USH2A: variants seen among roughly 807,000 people sequenced by gnomAD.
USH2A encodes usherin.
USH2A carries 443 observed loss-of-function variants against 538.9 expected under a neutral mutation model. The ratio of observed to expected loss-of-function variants is 0.82; its 90% CI spans 0.76 to 0.89. The LOEUF (loss-of-function observed/expected upper bound fraction) is 0.89, where lower values mean the gene tolerates loss of function less well. USH2A is among the 40% of genes least tolerant of loss of function. USH2A has a pLI of 0.00. For missense variants in USH2A, 6,633 were observed against 6,324.8 expected, an observed-to-expected ratio of 1.05 and a Z score of -1.65; for synonymous variants, 2,413 against 2,273.5, an observed-to-expected ratio of 1.06 and a Z score of -1.75.
chr1:215,668,949 C>T (rs1002533936), intron 64 of USH2A, among the ~76,000 whole-genome samples: 1 of 152,168 alleles, frequency 6.6e-6, no homozygotes, highest in East Asian at 1.9e-4. Flanking sequence ...GCAGGAGAAT[C>T]GTTTGAACCT....
At chr1:215,759,584 G>A in intron 57 of USH2A, 76 bp downstream of exon 57, 2 of 1,557,796 alleles carry the variant, frequency 1.3e-6, no homozygotes, top group Admixed American at 3.4e-5. Context: ...ACTTTCAGTG[G>A]GACATGCATT....
intron 32 of USH2A, among the ~76,000 whole-genome samples, chr1:216,005,060 G>A (rs1266327540): frequency 4.6e-5 from 7 of 152,130 alleles, no homozygotes; most frequent in East Asian, 1.9e-4. Flanking sequence ...CTCTTAGAAC[G>A]AAATCTAATA....
chr1:215,661,171 T>C (rs751706148), intron 64 of USH2A, among the ~76,000 whole-genome samples: 5 of 152,220 alleles, frequency 3.3e-5, no homozygotes, highest in Non-Finnish European at 5.9e-5. Flanking sequence ...AGCATCAATC[T>C]GAGTGTGGGG....
chr1:216,227,967 T>A (rs2035593888), intron 14 of USH2A, among the ~76,000 whole-genome samples: 1 of 152,082 alleles, frequency 6.6e-6, no homozygotes, highest in African/African-American at 2.4e-5. Context: ...AATCAGGTAC[T>A]CAAAAGGGTC....
At chr1:215,939,106 A>G (rs940773816) in intron 37 of USH2A, among the ~76,000 whole-genome samples, 3 of 152,234 alleles carry the variant, frequency 2.0e-5, no homozygotes, top group African/African-American at 7.2e-5. Context: ...AATTTGAAAA[A>G]TAAGTAATTA....
At chr1:216,106,953 A>G (rs2032750355) in intron 21 of USH2A, among the ~76,000 whole-genome samples, 1 of 151,874 alleles carries the variant, frequency 6.6e-6, no homozygotes, top group South Asian at 2.1e-4. Context: ...CTGATTTCTA[A>G]TTTAATTCTA....
intron 3 of USH2A, among the ~76,000 whole-genome samples, chr1:216,367,286 G>C (rs996251187): frequency 6.6e-6 from 1 of 152,130 alleles, no homozygotes; most frequent in African/African-American, 2.4e-5. Flanking sequence ...AAAGAAAATT[G>C]TCTCTGTAGA....
At chr1:215,938,906 G>A (rs1436773) in intron 37 of USH2A, among the ~76,000 whole-genome samples, 6,159 of 152,088 alleles carry the variant, frequency 0.04, 137 homozygotes, top group Middle Eastern at 0.068. Context: ...TGAATTCTAC[G>A]CCAGGCCTAC....
intron 15 of USH2A, among the ~76,000 whole-genome samples, chr1:216,208,732 C>G (rs2035173807): frequency 6.6e-6 from 1 of 152,100 alleles, no homozygotes; most frequent in African/African-American, 2.4e-5. Context: ...TGAAATGTTA[C>G]AGAATTCATC....
At chr1:215,816,030 G>A (rs1013960493) in intron 48 of USH2A, among the ~76,000 whole-genome samples, 2 of 151,928 alleles carry the variant, frequency 1.3e-5, no homozygotes, top group African/African-American at 4.8e-5. Flanking sequence ...TAGAAGCAAA[G>A]AAAAAAATTG....
chr1:215,709,935 G>T (rs1361125095), intron 61 of USH2A, among the ~76,000 whole-genome samples: 12 of 152,140 alleles, frequency 7.9e-5, no homozygotes, highest in African/African-American at 2.9e-4. Context: ...AAGCTTAAAG[G>T]CTAGAGTGAA....
At chr1:216,324,917 G>A (rs1178201677) in intron 6 of USH2A, among the ~76,000 whole-genome samples, 1 of 152,120 alleles carries the variant, frequency 6.6e-6, no homozygotes, top group Non-Finnish European at 1.5e-5. Flanking sequence ...GACTTTATTT[G>A]TAAATAGGGT....
intron 21 of USH2A, among the ~76,000 whole-genome samples, chr1:216,139,956 A>G (rs1049454384): frequency 6.6e-6 from 1 of 152,198 alleles, no homozygotes; most frequent in African/African-American, 2.4e-5. Context: ...TTAGGTGAGC[A>G]CTACACACAC....
Position 215,933,001 on chromosome 1 carries a change from C to T in USH2A, c.7300+1615G>A, listed in dbSNP as rs559894619. On this transcript the variant is annotated intron_variant, in intron 38 of 71. Coordinates refer to ENST00000307340, the MANE Select transcript of USH2A (RefSeq NM_206933.4). ...TAACAAATTATTAGACCATACATTC[C>T]TAAAAACATAAACAATGAATTAAAT... 7.2e-5 allele frequency among the ~76,000 whole-genome samples: 11 copies of T among 151,920 alleles called. No homozygotes were observed. The East Asian group carries it at 1.2e-3, about 16-fold the overall frequency.
intron 41 of USH2A, among the ~76,000 whole-genome samples, chr1:215,886,155 C>T (rs1445871483): frequency 6.6e-6 from 1 of 152,196 alleles, no homozygotes; most frequent in East Asian, 1.9e-4. Flanking sequence ...CTTCATCCAT[C>T]CTAATACCTG....
chr1:216,074,078 C>T (rs74143932), intron 27 of USH2A, among the ~76,000 whole-genome samples: 256 of 152,342 alleles, frequency 1.7e-3, no homozygotes, highest in African/African-American at 5.6e-3. Context: ...ACACCCACTG[C>T]GCAGTACCAT....
At chr1:215,824,143 T>A (rs780695942) in intron 47 of USH2A, among the ~76,000 whole-genome samples, 5 of 152,152 alleles carry the variant, frequency 3.3e-5, no homozygotes, top group Non-Finnish European at 7.3e-5. Context: ...ATCTTTGAAT[T>A]ATTTTTAATT....
rs1259579664 is a variant in USH2A, at chr1:216,190,263, A to G, written c.4356T>C (p.Cys1452=). Residue 1452 remains cysteine, a synonymous_variant, in exon 20 of 72, where the codon TGT becomes TGC. Coordinates refer to ENST00000307340, the MANE Select transcript of USH2A (RefSeq NM_206933.4). ...GTCCTGCTCCCGAAGCACTGGTCAC[A>G]CAACCAACTGAATTGCAGAGAGTAA... ...FTITLCNSVG[C]VTSASGAGQT... The G allele has an allele frequency of 1.9e-6, 3 of 1,612,508 alleles. No individual in the cohort carries two copies. In the African/African-American group the frequency reaches 4.0e-5, roughly 22 times the overall value.
chr1:215,904,600 A>G (rs1424245394), intron 38 of USH2A, among the ~76,000 whole-genome samples: 1 of 152,068 alleles, frequency 6.6e-6, no homozygotes, highest in African/African-American at 2.4e-5. Flanking sequence ...TCTTAACAGA[A>G]GAGCCCTGTA....
Sources: gnomAD v4.1 joint callset for allele counts (sites outside exome capture counted in the v4.1 genomes callset) on GRCh38, gnomAD v4.1.1 for gene constraint, MANE v1.5 for transcripts, NCBI Gene and HGNC (gene_info 2026-07-23, HGNC 2026-07-21) for gene names.